DOCK3: variants seen among roughly 807,000 people sequenced by gnomAD.
DOCK3 encodes dedicator of cytokinesis 3.
A neutral mutation model predicts 265.6 loss-of-function variants in DOCK3; 60 were observed. The ratio of observed to expected loss-of-function variants is 0.23; its 90% CI spans 0.18 to 0.28. The LOEUF (loss-of-function observed/expected upper bound fraction) is 0.28. Among genes scored for constraint, DOCK3 ranks in the 10% least tolerant of loss-of-function variants. The probability of loss-of-function intolerance (pLI) is 1.00; values close to 1 mark genes in which losing one functional copy is unlikely to be tolerated. For synonymous variants in DOCK3, 881 were observed against 938.0 expected (o/e 0.94, Z 1.11); for missense variants, 1,981 against 2,594.3 (o/e 0.76, Z 5.14).
chr3:50,883,747 A>G (rs1179973435), intron 3 of DOCK3, among the ~76,000 whole-genome samples: 8 of 152,306 alleles, frequency 5.3e-5, no homozygotes, highest in Non-Finnish European at 1.2e-4. Context: ...TCAAAAATCT[A>G]GAATGTAAAA....
chr3:51,009,728 C>A (rs2078863802), intron 5 of DOCK3, among the ~76,000 whole-genome samples: 1 of 152,144 alleles, frequency 6.6e-6, no homozygotes, highest in African/African-American at 2.4e-5. Context: ...AATTTTAGAT[C>A]TTTCCTGTTT....
intron 21 of DOCK3, among the ~76,000 whole-genome samples, chr3:51,241,477 G>C (rs902161550): frequency 6.6e-6 from 1 of 152,148 alleles, no homozygotes; most frequent in Non-Finnish European, 1.5e-5. Flanking sequence ...TTCTAGCTAG[G>C]TTGGGGAAGT....
intron 24 of DOCK3, among the ~76,000 whole-genome samples, chr3:51,272,138 T>G (rs1385394204): frequency 6.6e-6 from 1 of 152,222 alleles, no homozygotes; most frequent in Non-Finnish European, 1.5e-5. Flanking sequence ...GGCCATATAT[T>G]AAGATCAATA....
At chr3:50,847,399 T>C (rs775999988) in intron 3 of DOCK3, among the ~76,000 whole-genome samples, 43 of 152,202 alleles carry the variant, frequency 2.8e-4, no homozygotes, top group Non-Finnish European at 3.7e-4. Flanking sequence ...GAGCATGTGG[T>C]CAATCTTGGA....
At chr3:50,947,676 T>A (rs1338642051) in intron 5 of DOCK3, among the ~76,000 whole-genome samples, 1 of 152,074 alleles carries the variant, frequency 6.6e-6, no homozygotes, top group Non-Finnish European at 1.5e-5. Flanking sequence ...ATATGTGGAA[T>A]ATCTGCACAC....
chr3:51,170,858 G>T (rs1290393400), intron 12 of DOCK3, among the ~76,000 whole-genome samples: 1 of 150,640 alleles, frequency 6.6e-6, no homozygotes, highest in Non-Finnish European at 1.5e-5. Flanking sequence ...CAGGAGAATG[G>T]CTTGAACCCA....
At chr3:50,686,417 G>T (rs1249767950) in intron 1 of DOCK3, among the ~76,000 whole-genome samples, 4 of 152,352 alleles carry the variant, frequency 2.6e-5, no homozygotes, top group East Asian at 3.9e-4. Context: ...GTTGTCATTT[G>T]TGATCTCAAG....
At chr3:50,792,122 A>ATT (rs34021915) in intron 2 of DOCK3, among the ~76,000 whole-genome samples, 2,001 of 142,628 alleles carry the variant, frequency 0.014, 36 homozygotes, top group Non-Finnish European at 0.017. Context: ...GTCATCTCTG[A>ATT]TTTTTTTTTT....
At chr3:50,968,860 T>G (rs568606757) in intron 5 of DOCK3, among the ~76,000 whole-genome samples, 2 of 152,342 alleles carry the variant, frequency 1.3e-5, no homozygotes, top group Admixed American at 1.3e-4. Flanking sequence ...ATGATTTCAA[T>G]TTTTAAAAAA....
intron 4 of DOCK3, among the ~76,000 whole-genome samples, chr3:50,892,370 T>C (rs545034990): frequency 9.9e-5 from 15 of 152,128 alleles, no homozygotes; most frequent in Admixed American, 7.9e-4. Context: ...CCAAGAAAAA[T>C]ACCTTTATAA....
At chr3:51,264,105 T>C (rs561762256) in intron 23 of DOCK3, among the ~76,000 whole-genome samples, 30 of 152,200 alleles carry the variant, frequency 2.0e-4, no homozygotes, top group Non-Finnish European at 3.5e-4. Flanking sequence ...ATCAACAGAA[T>C]ATACATTCTT....
intron 1 of DOCK3, among the ~76,000 whole-genome samples, chr3:50,735,613 C>G (rs1002831057): frequency 6.6e-6 from 1 of 152,042 alleles, no homozygotes; most frequent in East Asian, 1.9e-4. Flanking sequence ...GCTGGGATTG[C>G]GGGGTGAGCC....
chr3:51,203,623 C>A (rs543222581), intron 12 of DOCK3, among the ~76,000 whole-genome samples: 1,842 of 152,240 alleles, frequency 0.012, 42 homozygotes, highest in African/African-American at 0.042. Context: ...CCATCCCCAT[C>A]AAGCTACCAA....
intron 5 of DOCK3, among the ~76,000 whole-genome samples, chr3:50,958,204 C>G (rs949705234): frequency 5.9e-5 from 9 of 152,186 alleles, no homozygotes; most frequent in African/African-American, 2.2e-4. Context: ...TATGTTATTC[C>G]TCTGCTCAGA....
intron 5 of DOCK3, among the ~76,000 whole-genome samples, chr3:51,025,219 T>C (rs909808836): frequency 3.9e-5 from 6 of 152,180 alleles, no homozygotes; most frequent in African/African-American, 1.4e-4. Flanking sequence ...GGGCCTGAGC[T>C]CTGATTCTCC....
intron 32 of DOCK3, among the ~76,000 whole-genome samples, chr3:51,321,483 C>T (rs962015169): frequency 2.6e-5 from 4 of 152,058 alleles, no homozygotes; most frequent in East Asian, 1.9e-4. Context: ...ATGAATTTGA[C>T]GAATTGACAG....
chr3:51,241,557 C>T (rs568844334), intron 21 of DOCK3, among the ~76,000 whole-genome samples: 2 of 152,254 alleles, frequency 1.3e-5, no homozygotes, highest in Non-Finnish European at 2.9e-5. Context: ...TTAAGGACAC[C>T]AGTGAGTTGT....
intron 49 of DOCK3, among the ~76,000 whole-genome samples, chr3:51,367,083 G>T (rs2087248064): frequency 6.6e-6 from 1 of 152,204 alleles, no homozygotes; most frequent in African/African-American, 2.4e-5. Context: ...AGTATTAACA[G>T]TGGGCTGTTA....
At chr3:50,833,272 A>G (rs182826258) in intron 2 of DOCK3, among the ~76,000 whole-genome samples, 3 of 152,328 alleles carry the variant, frequency 2.0e-5, no homozygotes, top group South Asian at 4.1e-4. Flanking sequence ...GTAGAATCTA[A>G]TAACAGGCAT....
Sources: allele counts gnomAD v4.1 joint callset (sites outside exome capture counted in the v4.1 genomes callset), GRCh38; gene constraint gnomAD v4.1.1; transcripts MANE v1.5; gene names NCBI Gene and HGNC (gene_info 2026-07-23, HGNC 2026-07-21).